LRRC41: variants seen among roughly 807,000 people sequenced by gnomAD.
LRRC41 encodes the protein leucine-rich repeat-containing protein 41.
LRRC41 carries 17 observed loss-of-function variants against 72.1 expected under a neutral mutation model. The observed-to-expected ratio is 0.24, with a 90% CI of 0.16 to 0.35. LRRC41 has a LOEUF of 0.35. Ranked by LOEUF, LRRC41 falls within the 10% of genes least tolerant of loss-of-function variation. LRRC41 has a pLI of 1.00. For missense variants in LRRC41, 759 were observed against 1,065.0 expected (o/e 0.71, Z 4.00); for synonymous variants, 427 against 431.0 (o/e 0.99, Z 0.11).
chr1:46,301,066 G>A (rs1661212399), intron 1 of LRRC41, among the ~76,000 whole-genome samples: 1 of 152,020 alleles, frequency 6.6e-6, no homozygotes, highest in Non-Finnish European at 1.5e-5. Flanking sequence ...TGTTTTAGGG[G>A]GAAGAGGCCA....
chr1:46,278,080 G>A lies in LRRC41; in HGVS notation c.*785C>T, dbSNP rs2148308625. The A allele has an allele frequency of 6.2e-7, 1 of 1,614,124 alleles. No individual in the cohort carries two copies. Among genetic ancestry groups the A allele is most frequent in the Non-Finnish European group, 8.5e-7 (1 of 1,180,000 alleles). On this transcript the variant is annotated 3_prime_UTR_variant, in exon 10 of 10. Transcript: ENST00000617190. ...GTGCCTTCTGTCCCTAGGTTGCACTGCCGACGTTGTGTCAACAGCCGTCAG... is the reference window on the plus strand; with the variant it reads ...GTGCCTTCTGTCCCTAGGTTGCACTACCGACGTTGTGTCAACAGCCGTCAG...
chr1:46,290,370 C>T (rs1660982067), intron 3 of LRRC41, among the ~76,000 whole-genome samples: 1 of 152,184 alleles, frequency 6.6e-6, no homozygotes, highest in Non-Finnish European at 1.5e-5. Flanking sequence ...GATCGTGCCA[C>T]TGCACTTCAG....
At position 46,279,489 on chromosome 1, in the gene LRRC41, C is replaced by T. The variant is rs958791336; in HGVS notation, c.2143+3G>A. The T allele has an allele frequency of 6.2e-7, 1 of 1,614,244 alleles. No homozygotes were observed. The highest frequency in any genetic ancestry group is 8.5e-7 in the Non-Finnish European group (1 of 1,180,044). On this transcript the variant is annotated splice_donor_region_variant and intron_variant, in intron 8 of 9. Transcript: ENST00000617190. The surrounding 1 kb of genome is among the most constrained non-coding windows in gnomAD (Gnocchi z 4.5). ...CTCTCCCTCCCCAGGGTCTGGCCCC[C>T]ACCCAGGCGGTTCCCTGGCAGCCGG...
In LRRC41 at chr1:46,286,632, G is replaced by T; in HGVS notation, c.358-133C>A. ...TTCATTTAATCTTCACATCTCTGAG[G>T]TATGTATTATTATTAGCCCTATTTT... On this transcript the variant is annotated intron_variant, in intron 3 of 9. Transcript: ENST00000617190. The surrounding 1 kb of genome is among the most constrained non-coding windows in gnomAD (Gnocchi z 5.5). The T allele has an allele frequency of 2.3e-6, 2 of 869,722 alleles. No individual in the cohort carries two copies. Among genetic ancestry groups the T allele is most frequent in the Non-Finnish European group, 3.4e-6 (2 of 580,542 alleles). The allele number at this position is 869,722 out of a possible 1,614,324, so 53.9% of individuals were successfully genotyped here. A position where few individuals can be genotyped will look rare whatever the true frequency, so the allele number is the denominator to read the frequency against.
At chr1:46,297,782 A>G (rs1357913175) in intron 2 of LRRC41, 149 bp from the exon 3 acceptor site, 6 of 607,720 alleles carry the variant, frequency 9.9e-6, no homozygotes, top group Non-Finnish European at 1.8e-5. Flanking sequence ...GGGTGTGAAT[A>G]TCAGCAAACT....
At chr1:46,280,042 G>C in intron 7 of LRRC41, 150 bp downstream of exon 7, 1 of 650,634 alleles carries the variant, frequency 1.5e-6, no homozygotes, top group African/African-American at 1.8e-5. Flanking sequence ...TTGAGGTTGG[G>C]GCTTTTAGAA....
At position 46,285,857 on chromosome 1, in the gene LRRC41, C is replaced by T; in HGVS notation, c.1000G>A (p.Gly334Ser). The change falls in exon 4 of 10, where the codon GGC becomes AGC. Residue 334 changes from glycine (G) to serine (S), a missense_variant. Coordinates refer to ENST00000617190, the MANE Select transcript of LRRC41 (RefSeq NM_006369.5). The surrounding 1 kb of genome is among the most constrained non-coding windows in gnomAD (Gnocchi z 5.3). ...AGCTCCCTCTTAAGGTCTGTTCCGCCTGCTGTCAGGCTCTCCTGTGTGCTC... is the reference window on the plus strand; with the variant it reads ...AGCTCCCTCTTAAGGTCTGTTCCGCTTGCTGTCAGGCTCTCCTGTGTGCTC... Reference protein sequence around the residue: ...RRSTQESLTAGGTDLKRELHP... With the variant: ...RRSTQESLTASGTDLKRELHP... 1 of 1,585,814 alleles carries T rather than the reference C, an allele frequency of 6.3e-7. No homozygotes were observed. The highest frequency in any genetic ancestry group is 8.6e-7 in the Non-Finnish European group (1 of 1,167,624).
chr1:46,279,520 C>T lies in LRRC41; in HGVS notation c.2115G>A (p.Lys705=), dbSNP rs765808853. The T allele has an allele frequency of 1.2e-6, 2 of 1,614,208 alleles. No individual in the cohort carries two copies. Among genetic ancestry groups the T allele is most frequent in the South Asian group, 1.1e-5 (1 of 91,082 alleles). Residue 705 remains lysine, a synonymous_variant, in exon 8 of 10, where the codon AAG becomes AAA. Coordinates refer to ENST00000617190, the MANE Select transcript of LRRC41 (RefSeq NM_006369.5). The surrounding 1 kb of genome is among the most constrained non-coding windows in gnomAD (Gnocchi z 4.5). Reference sequence around the variant, plus strand: ...GGCGGTTCCCTGGCAGCCGGAGGCCCTTCAGTGTGGAGTTGCCCTTCATAG... The same window carrying T: ...GGCGGTTCCCTGGCAGCCGGAGGCCTTTCAGTGTGGAGTTGCCCTTCATAG... ...VAAMKGNSTL[K]GLRLPGNRLG... is the part of the protein sequence containing the mutation.
Position 46,286,638 on chromosome 1 carries a change from A to G in LRRC41, c.358-139T>C. Reference sequence around the variant, plus strand: ...TAATCTTCACATCTCTGAGGTATGTATTATTATTAGCCCTATTTTACAGGT... The same window carrying G: ...TAATCTTCACATCTCTGAGGTATGTGTTATTATTAGCCCTATTTTACAGGT... On this transcript the variant is annotated intron_variant, in intron 3 of 9. Coordinates refer to ENST00000617190, the MANE Select transcript of LRRC41 (RefSeq NM_006369.5). The surrounding 1 kb of genome is among the most constrained non-coding windows in gnomAD (Gnocchi z 5.5). 5 of 834,164 alleles carry G rather than the reference A, an allele frequency of 6.0e-6. No individual in the cohort carries two copies. The South Asian group carries it at 9.6e-5, about 16-fold the overall frequency. 51.7% of individuals were successfully genotyped at this position (834,164 alleles called of 1,614,324 possible).
rs1661251111 is a variant in LRRC41, at chr1:46,302,265, C to T, written c.199+859G>A. 1.0e-6 allele frequency: 1 copy of T among 985,330 alleles called. No individual in the cohort carries two copies. The highest frequency in any genetic ancestry group is 1.2e-6 in the Non-Finnish European group (1 of 829,934). 61.0% of individuals were successfully genotyped at this position (985,330 alleles called of 1,614,324 possible). A position where few individuals can be genotyped will look rare whatever the true frequency, so the allele number is the denominator to read the frequency against. On this transcript the variant is annotated intron_variant, in intron 1 of 9. Coordinates refer to ENST00000617190, the MANE Select transcript of LRRC41 (RefSeq NM_006369.5). This position sits in a 1 kb window ranked among gnomAD's most constrained non-coding sequence, Gnocchi z 4.7. ...AGCCCGGCAGTCCGGGATCCCCGGG[C>T]CGTCGCCCCGCTTGGGGCCTCCTTG... is the stretch of plus-strand genomic sequence containing the variant.
At chr1:46,287,006 T>C (rs1660898143) in intron 3 of LRRC41, among the ~76,000 whole-genome samples, 1 of 151,188 alleles carries the variant, frequency 6.6e-6, no homozygotes, top group Admixed American at 6.6e-5. Flanking sequence ...TTTCATCATA[T>C]TGACCAGGCT....
chr1:46,298,683 G>A (rs1280352158), intron 1 of LRRC41: 1 of 228,290 alleles, frequency 4.4e-6, no homozygotes, highest in African/African-American at 2.3e-5. Flanking sequence ...TGAACCATTT[G>A]GCATTGAAAA....
chr1:46,280,460 C>T lies in LRRC41; in HGVS notation c.1857G>A (p.Leu619=). The change falls in exon 6 of 10, where the codon CTG becomes CTA. Residue 619 remains leucine (L), a synonymous_variant. Transcript: ENST00000617190. ...VLKASGSLQQ[L]SLDSATFASP... ...AGGCAAAGGTGGCACTATCCAGGGACAGCTGCTGCAGAGAACCCGAGGCCT... is the reference window on the plus strand; with the variant it reads ...AGGCAAAGGTGGCACTATCCAGGGATAGCTGCTGCAGAGAACCCGAGGCCT... 6.2e-7 allele frequency: 1 copy of T among 1,614,214 alleles called. No individual in the cohort carries two copies. Among genetic ancestry groups the T allele is most frequent in the Middle Eastern group, 1.6e-4 (1 of 6,062 alleles).
At position 46,279,667 on chromosome 1, in the gene LRRC41, C is replaced by G; in HGVS notation, c.2021-53G>C. ...GATGGCTGCATTAGGACTGGTGCTG[C>G]CCCTCCTGCCCCAGTTGGCCCTAGC... On this transcript the variant is annotated intron_variant, in intron 7 of 9. Coordinates refer to ENST00000617190, the MANE Select transcript of LRRC41 (RefSeq NM_006369.5). The surrounding 1 kb of genome is among the most constrained non-coding windows in gnomAD (Gnocchi z 4.5). 6.2e-7 allele frequency: 1 copy of G among 1,608,896 alleles called. No individual in the cohort carries two copies. Among genetic ancestry groups the G allele is most frequent in the Non-Finnish European group, 8.5e-7 (1 of 1,176,560 alleles).
Position 46,278,681 on chromosome 1 carries a change from A to G in LRRC41, c.*184T>C, listed in dbSNP as rs751815667. On this transcript the variant is annotated 3_prime_UTR_variant, in exon 10 of 10. Transcript: ENST00000617190. ...CCCAAAGACTATAAACCCAGCTGTG[A>G]GAATGCCTGTTTGCTGGGCCTCATC... 52 of 639,366 alleles carry G rather than the reference A, an allele frequency of 8.1e-5. 1 individual carries two copies. The highest frequency in any genetic ancestry group is 1.3e-4 in the Non-Finnish European group (48 of 370,608). The allele number at this position is 639,366 out of a possible 1,614,324, so 39.6% of individuals were successfully genotyped here. A position where few individuals can be genotyped will look rare whatever the true frequency, so the allele number is the denominator to read the frequency against.
chr1:46,287,046 G>A (rs576060541), intron 3 of LRRC41, among the ~76,000 whole-genome samples: 7 of 151,800 alleles, frequency 4.6e-5, no homozygotes, highest in East Asian at 3.9e-4. Context: ...CAAGTGTTCC[G>A]TCCGCCTTGG....
In LRRC41 at chr1:46,302,122, C is replaced by T. The variant is rs927072517; in HGVS notation, c.199+1002G>A. The T allele has an allele frequency of 1.0e-6, 1 of 985,284 alleles. No individual in the cohort carries two copies. The highest frequency in any genetic ancestry group is 1.2e-6 in the Non-Finnish European group (1 of 829,908). 61.0% of individuals were successfully genotyped at this position (985,284 alleles called of 1,614,324 possible). On this transcript the variant is annotated intron_variant, in intron 1 of 9. Transcript: ENST00000617190. The surrounding 1 kb of genome is among the most constrained non-coding windows in gnomAD (Gnocchi z 4.7). ...CTCCCCGGCCGTTCATCCCGGCGCC[C>T]CAGGCCGCCCTCCATCCAGGCCCGG... is the stretch of plus-strand genomic sequence containing the variant.
rs1661276528 is a variant in LRRC41 at position 46,302,989 on chromosome 1, C to G, written c.199+135G>C. The G allele has an allele frequency of 7.6e-7, 1 of 1,312,084 alleles. No individual in the cohort carries two copies. The allele number at this position is 1,312,084 out of a possible 1,614,324, so 81.3% of individuals were successfully genotyped here. A position where few individuals can be genotyped will look rare whatever the true frequency, so the allele number is the denominator to read the frequency against. On this transcript the variant is annotated intron_variant, in intron 1 of 9. Transcript: ENST00000617190. This position sits in a 1 kb window ranked among gnomAD's most constrained non-coding sequence, Gnocchi z 4.7. Reference sequence around the variant, plus strand: ...CCCTGTCAGTCACAAAATTCATTCTCCGATCCTACGAGCTGGCTTTCAGCG... The same window carrying G: ...CCCTGTCAGTCACAAAATTCATTCTGCGATCCTACGAGCTGGCTTTCAGCG...
Position 46,303,108 on chromosome 1 carries a change from TCACCCCGCGACTTACCCCA to T in LRRC41, c.196_199+15del. 1 of 1,193,202 alleles carries T rather than the reference TCACCCCGCGACTTACCCCA, an allele frequency of 8.4e-7. No homozygotes were observed. The highest frequency in any genetic ancestry group is 1.0e-6 in the Non-Finnish European group (1 of 953,814). 73.9% of individuals were successfully genotyped at this position (1,193,202 alleles called of 1,614,324 possible). A position where few individuals can be genotyped will look rare whatever the true frequency, so the allele number is the denominator to read the frequency against. ...CTTGCTCTTAGCCAGAGGTAGCCCC[TCACCCCGCGACTTACCCCA>T]CACCCCGCTCTCCAGAACCCCCATA... On this transcript the variant is annotated splice_donor_variant and splice_donor_5th_base_variant and coding_sequence_variant and intron_variant, in exon 1 of 10. Coordinates refer to ENST00000617190, the MANE Select transcript of LRRC41 (RefSeq NM_006369.5). LOFTEE classifies it high-confidence loss of function.
Sources: gnomAD v4.1 joint callset for allele counts (sites outside exome capture counted in the v4.1 genomes callset) on GRCh38, gnomAD v4.1.1 for gene constraint, Gnocchi (gnomAD v3.1) non-coding constraint, MANE v1.5 for transcripts, NCBI Gene and HGNC (gene_info 2026-07-23, HGNC 2026-07-21) for gene names.